The following NEDD4L variants were observed in gnomAD, a reference collection of about 807,000 sequenced individuals.
The protein encoded by NEDD4L is NEDD4 like E3 ubiquitin protein ligase.
NEDD4L carries 54 observed loss-of-function variants against 148.9 expected under a neutral mutation model. The observed-to-expected ratio is 0.36, with a 90% confidence interval of 0.29 to 0.45. NEDD4L has a LOEUF of 0.45. NEDD4L is among the 20% of genes least tolerant of loss of function. The pLI is 1.00. For missense variants in NEDD4L, 856 were observed against 1,233.8 expected (o/e 0.69, Z 4.59); for synonymous variants, 433 against 440.7 (o/e 0.98, Z 0.22).
At chr18:58,107,552 T>G (rs2085139237) in intron 1 of NEDD4L, among the ~76,000 whole-genome samples, 3 of 152,100 alleles carry the variant, frequency 2.0e-5, no homozygotes, top group Admixed American at 6.6e-5. Context: ...ACCCTGTCTC[T>G]ACAAAAATTA....
In NEDD4L at chr18:58,327,718, G is replaced by A. The variant is rs1308593292; in HGVS notation, c.681-1277G>A. ...GTTTTAGAAAGAGTCTATAATGAGT[G>A]TTCTTGATAAGTACTATATTTCAGT... On this transcript the variant is annotated intron_variant, in intron 9 of 30. Transcript: ENST00000400345. 2.0e-5 allele frequency among the ~76,000 whole-genome samples: 3 copies of A among 152,276 alleles called. No homozygotes were observed. The East Asian group carries it at 5.8e-4, about 29-fold the overall frequency.
At chr18:58,334,970 C>G (rs1039725507) in intron 12 of NEDD4L, among the ~76,000 whole-genome samples, 41 of 152,312 alleles carry the variant, frequency 2.7e-4, no homozygotes, top group African/African-American at 9.4e-4. Context: ...TAGGATCCTT[C>G]TCAACCTCAT....
intron 5 of NEDD4L, among the ~76,000 whole-genome samples, chr18:58,262,488 G>A (rs1421864313): frequency 6.6e-6 from 1 of 152,100 alleles, no homozygotes; most frequent in Non-Finnish European, 1.5e-5. Flanking sequence ...AGCTAGCCAG[G>A]CGTGGTGGCC....
chr18:58,293,822 A>C (rs4941381), intron 5 of NEDD4L, among the ~76,000 whole-genome samples: 27,036 of 152,124 alleles, frequency 0.18, 2,594 homozygotes, highest in East Asian at 0.28. Flanking sequence ...TCCTGGGCTC[A>C]AGCAATCCTC....
rs929358503 is a variant in NEDD4L, at chr18:58,063,800, C to T, written c.48+19092C>T. ...CGAACTCCTGACCTTGTGATCCACC[C>T]GCCTCGGCCTCCCAAAGTGCTGGGA... On this transcript the variant is annotated intron_variant, in intron 1 of 30. Transcript: ENST00000400345. Among the ~76,000 whole-genome samples, 53 of 151,790 alleles carry T rather than the reference C, an allele frequency of 3.5e-4. 1 individual carries two copies. The highest frequency in any genetic ancestry group is 6.2e-4 in the Non-Finnish European group (42 of 67,950).
At chr18:58,270,558 C>T (rs936546629) in intron 5 of NEDD4L, among the ~76,000 whole-genome samples, 1 of 152,206 alleles carries the variant, frequency 6.6e-6, no homozygotes, top group Non-Finnish European at 1.5e-5. Flanking sequence ...CTGTTACTCT[C>T]CTAGCCACAG....
intron 2 of NEDD4L, among the ~76,000 whole-genome samples, chr18:58,237,474 G>C (rs989162626): frequency 6.6e-6 from 1 of 152,082 alleles, no homozygotes; most frequent in African/African-American, 2.4e-5. Flanking sequence ...TGGCAATAAA[G>C]ACAAGTCACA....
intron 1 of NEDD4L, among the ~76,000 whole-genome samples, chr18:58,155,775 G>T (rs2035410066): frequency 6.6e-6 from 1 of 152,172 alleles, no homozygotes; most frequent in Non-Finnish European, 1.5e-5. Flanking sequence ...CAGCCACAGG[G>T]ATGACAGAAG....
intron 5 of NEDD4L, among the ~76,000 whole-genome samples, chr18:58,304,910 C>A (rs2056897661): frequency 6.6e-6 from 1 of 152,184 alleles, no homozygotes; most frequent in African/African-American, 2.4e-5. Context: ...GTCTTTTTAG[C>A]CCCAGTGTTA....
At chr18:58,059,865 CAT>C (rs1455654948) in intron 1 of NEDD4L, among the ~76,000 whole-genome samples, 5 of 152,134 alleles carry the variant, frequency 3.3e-5, no homozygotes, top group Non-Finnish European at 5.9e-5. Context: ...TTCGAAATAA[CAT>C]GTACATGACA....
chr18:58,288,071 C>G (rs2054190128), intron 5 of NEDD4L, among the ~76,000 whole-genome samples: 1 of 152,164 alleles, frequency 6.6e-6, no homozygotes, highest in African/African-American at 2.4e-5. Context: ...AATTTGCCCA[C>G]CCAGTAGTTC....
chr18:58,048,877 C>T (rs548652360), intron 1 of NEDD4L, among the ~76,000 whole-genome samples: 1 of 150,694 alleles, frequency 6.6e-6, no homozygotes, highest in East Asian at 1.9e-4. Context: ...AGGGGTCTTT[C>T]TACTTGTTTA....
chr18:58,225,958 G>A (rs2044304350), intron 2 of NEDD4L, among the ~76,000 whole-genome samples: 3 of 152,146 alleles, frequency 2.0e-5, no homozygotes, highest in Admixed American at 2.0e-4. Flanking sequence ...TTTCCAGTGT[G>A]TCTACTTGCA....
chr18:58,321,943 G>A (rs568815744), intron 6 of NEDD4L, among the ~76,000 whole-genome samples: 1 of 152,316 alleles, frequency 6.6e-6, no homozygotes, highest in South Asian at 2.1e-4. Context: ...GCTTCCTGGG[G>A]TGATCTCTGT....
chr18:58,112,146 T>A lies in NEDD4L; in HGVS notation c.49-53642T>A, dbSNP rs144654943. On this transcript the variant is annotated intron_variant, in intron 1 of 30. Transcript: ENST00000400345. ...GATTTGTCCGTGTCAACATGTATGT[T>A]TCATAAGGACATTCTTACCTTCCAT... 2.0e-5 allele frequency among the ~76,000 whole-genome samples: 3 copies of A among 152,350 alleles called. No individual in the cohort carries two copies. In the East Asian group the frequency reaches 5.8e-4, roughly 29 times the overall value.
intron 2 of NEDD4L, among the ~76,000 whole-genome samples, chr18:58,182,405 T>C (rs1170366184): frequency 6.6e-6 from 1 of 152,130 alleles, no homozygotes; most frequent in African/African-American, 2.4e-5. Flanking sequence ...TGAGATGATG[T>C]TAAAATAAAG....
intron 1 of NEDD4L, among the ~76,000 whole-genome samples, chr18:58,095,698 A>G (rs1057509407): frequency 6.6e-6 from 1 of 152,188 alleles, no homozygotes; most frequent in East Asian, 1.9e-4. Context: ...AATCATTTCC[A>G]TAGTTTCTTC....
intron 1 of NEDD4L, among the ~76,000 whole-genome samples, chr18:58,082,788 C>CAA (rs376651872): frequency 6.9e-4 from 47 of 68,298 alleles, no homozygotes; most frequent in African/African-American, 1.7e-3. Context: ...GACTCCATCT[C>CAA]AAAAAAAAAA....
At chr18:58,242,980 A>G (rs2046824049) in intron 2 of NEDD4L, among the ~76,000 whole-genome samples, 1 of 152,074 alleles carries the variant, frequency 6.6e-6, no homozygotes. Flanking sequence ...ACATATTCCC[A>G]CCTGACTTCT....
Sources: allele counts gnomAD v4.1 joint callset (sites outside exome capture counted in the v4.1 genomes callset), GRCh38; gene constraint gnomAD v4.1.1; transcripts MANE v1.5; gene names NCBI Gene and HGNC (gene_info 2026-07-23, HGNC 2026-07-21).